The following FRMD4A variants were observed in gnomAD, a reference collection of about 807,000 sequenced individuals.
FRMD4A encodes the protein FERM domain containing 4A, also known as FERM domain-containing protein 4A.
A neutral mutation model predicts 129.1 loss-of-function variants in FRMD4A; 29 were observed. The observed-to-expected ratio is 0.22, with a 90% CI of 0.17 to 0.31. The LOEUF (loss-of-function observed/expected upper bound fraction) is 0.31, where lower values mean the gene tolerates loss of function less well. Ranked by LOEUF, FRMD4A falls within the 10% of genes least tolerant of loss-of-function variation. FRMD4A has a pLI of 1.00. For missense variants in FRMD4A, 1,272 were observed against 1,375.8 expected (o/e 0.92, Z 1.19); for synonymous variants, 634 against 571.6 (o/e 1.11, Z -1.56).
At chr10:14,292,440 C>A (rs1845878319) in intron 2 of FRMD4A, among the ~76,000 whole-genome samples, 1 of 152,162 alleles carries the variant, frequency 6.6e-6, no homozygotes, top group Admixed American at 6.5e-5. Flanking sequence ...AATGCAAAAA[C>A]CTTAAATGGC....
chr10:13,735,968 A>T (rs2090604688), intron 12 of FRMD4A, among the ~76,000 whole-genome samples: 1 of 152,160 alleles, frequency 6.6e-6, no homozygotes, highest in Non-Finnish European at 1.5e-5. Context: ...GGCCTGGCCC[A>T]CATGGTGAAA....
At chr10:13,936,591 A>G (rs1446497760) in intron 2 of FRMD4A, among the ~76,000 whole-genome samples, 1 of 152,238 alleles carries the variant, frequency 6.6e-6, no homozygotes, top group Non-Finnish European at 1.5e-5. Flanking sequence ...CACAAAGAGA[A>G]GACTGCTGTC....
chr10:14,295,609 C>A (rs547131255), intron 2 of FRMD4A, among the ~76,000 whole-genome samples: 1 of 152,276 alleles, frequency 6.6e-6, no homozygotes, highest in South Asian at 2.1e-4. Context: ...TGGGCTACCC[C>A]TTCTCCAGTG....
chr10:14,026,455 T>G (rs186552974), intron 2 of FRMD4A, among the ~76,000 whole-genome samples: 139 of 152,330 alleles, frequency 9.1e-4, no homozygotes, highest in Admixed American at 8.0e-3. Flanking sequence ...TGCATGTTCT[T>G]CGAGTTATGG....
chr10:14,057,470 A>G (rs979187743), intron 2 of FRMD4A, among the ~76,000 whole-genome samples: 2 of 152,332 alleles, frequency 1.3e-5, no homozygotes, highest in East Asian at 3.9e-4. Flanking sequence ...AAGAAATTTC[A>G]AGGAAAAGGC....
At chr10:13,687,032 T>C (rs1439868620) in intron 15 of FRMD4A, among the ~76,000 whole-genome samples, 1 of 152,108 alleles carries the variant, frequency 6.6e-6, no homozygotes, top group Non-Finnish European at 1.5e-5. Flanking sequence ...GGCTCAAGCC[T>C]GTAATCCCAG....
At chr10:13,985,513 C>T (rs2095577911) in intron 2 of FRMD4A, among the ~76,000 whole-genome samples, 1 of 152,186 alleles carries the variant, frequency 6.6e-6, no homozygotes, top group African/African-American at 2.4e-5. Context: ...GGCCTAAGAG[C>T]CTGGAAAGCC....
intron 2 of FRMD4A, chr10:14,007,991 T>C (rs2095667969): frequency 7.8e-7 from 1 of 1,280,684 alleles, no homozygotes; most frequent in Admixed American, 2.3e-5. Flanking sequence ...TAACGCGGTA[T>C]ACAATGAAAA....
chr10:13,970,037 G>C (rs1463270866), intron 2 of FRMD4A, among the ~76,000 whole-genome samples: 2 of 152,190 alleles, frequency 1.3e-5, no homozygotes, highest in African/African-American at 4.8e-5. Context: ...GGACAAACCA[G>C]CCACATTACT....
intron 2 of FRMD4A, among the ~76,000 whole-genome samples, chr10:13,898,115 G>A (rs995323246): frequency 2.6e-5 from 4 of 152,072 alleles, no homozygotes; most frequent in African/African-American, 9.7e-5. Context: ...GCTCATGCCT[G>A]TAATCCCAGC....
At chr10:13,714,323 A>G (rs115804429) in intron 12 of FRMD4A, among the ~76,000 whole-genome samples, 1 of 151,326 alleles carries the variant, frequency 6.6e-6, no homozygotes, top group African/African-American at 2.4e-5. Context: ...TTGGCTTCCT[A>G]AAGTGCTAGG....
At chr10:14,081,597 A>G (rs745608934) in intron 2 of FRMD4A, among the ~76,000 whole-genome samples, 2 of 152,194 alleles carry the variant, frequency 1.3e-5, no homozygotes, top group Non-Finnish European at 1.5e-5. Flanking sequence ...GCTCAATCTC[A>G]TGGAAAATAT....
chr10:13,755,425 A>G (rs1424028316), intron 8 of FRMD4A, among the ~76,000 whole-genome samples: 1 of 152,234 alleles, frequency 6.6e-6, no homozygotes, highest in African/African-American at 2.4e-5. Context: ...TTCTTTCCAC[A>G]CTAGTGAGCA....
intron 16 of FRMD4A, 48 bp from the exon 17 acceptor site, chr10:13,670,576 C>G: frequency 6.3e-7 from 1 of 1,599,170 alleles, no homozygotes; most frequent in Non-Finnish European, 8.5e-7. Flanking sequence ...CAGAGTGGGG[C>G]GTGTCTGCTT....
intron 2 of FRMD4A, among the ~76,000 whole-genome samples, chr10:13,959,261 C>G (rs547949167): frequency 6.6e-6 from 1 of 152,148 alleles, no homozygotes; most frequent in South Asian, 2.1e-4. Flanking sequence ...ATCATGAGGT[C>G]AGGAGTTTGA....
intron 2 of FRMD4A, among the ~76,000 whole-genome samples, chr10:14,295,621 G>A (rs77449216): frequency 0.028 from 4,263 of 152,260 alleles, 102 homozygotes; most frequent in Non-Finnish European, 0.042. Flanking sequence ...TCTCCAGTGG[G>A]GACATGGTGA....
chr10:14,127,980 T>TTTCTTTCTTTCTCTC (rs1564319427), intron 2 of FRMD4A, among the ~76,000 whole-genome samples: 1 of 19,356 alleles, frequency 5.2e-5, no homozygotes. Flanking sequence ...CTTTCTTTCC[T>TTTCTTTCTTTCTCTC]TCTCTCTCTC....
chr10:13,805,179 T>G (rs191314760), intron 4 of FRMD4A, among the ~76,000 whole-genome samples: 2 of 152,106 alleles, frequency 1.3e-5, no homozygotes, highest in Non-Finnish European at 2.9e-5. Context: ...GGTCTTGCTC[T>G]GTTGCCCAGG....
intron 2 of FRMD4A, among the ~76,000 whole-genome samples, chr10:14,222,772 G>A (rs1887242): frequency 0.99 from 150,485 of 152,262 alleles, 74,386 homozygotes; most frequent in East Asian, 1. Flanking sequence ...GTGGCACTGT[G>A]GCTTTGGTGA....
Sources: gnomAD v4.1 joint callset for allele counts (sites outside exome capture counted in the v4.1 genomes callset) on GRCh38, gnomAD v4.1.1 for gene constraint, MANE v1.5 for transcripts, NCBI Gene and HGNC (gene_info 2026-07-23, HGNC 2026-07-21) for gene names.